RUNX1: variants seen among roughly 807,000 people sequenced by gnomAD.
RUNX1 encodes runt-related transcription factor 1.
A neutral mutation model predicts 42.8 loss-of-function variants in RUNX1; 19 were observed. The ratio of observed to expected loss-of-function variants is 0.44; its 90% CI spans 0.31 to 0.65. The LOEUF is 0.65. Among genes scored for constraint, RUNX1 ranks in the 30% least tolerant of loss-of-function variants. The probability of loss-of-function intolerance (pLI) is 0.07; values close to 1 mark genes in which losing one functional copy is unlikely to be tolerated. For missense variants in RUNX1, 528 were observed against 672.0 expected, an observed-to-expected ratio of 0.79 and a Z score of 2.37; for synonymous variants, 271 against 289.4, an observed-to-expected ratio of 0.94 and a Z score of 0.64.
chr21:35,015,302 T>C lies in RUNX1; in HGVS notation c.58+33540A>G, dbSNP rs192169642. ...AGTGCTTAGAATAGACACCACATAA[T>C]AATTAATAATTCTTCTTCTTGTTGT... On this transcript the variant is annotated intron_variant, in intron 2 of 8. Transcript: ENST00000675419. Among the ~76,000 whole-genome samples, 319 of 152,322 alleles carry C rather than the reference T, an allele frequency of 2.1e-3. 7 individuals carry two copies. Among genetic ancestry groups the C allele is most frequent in the Non-Finnish European group, 3.5e-4 (24 of 68,022 alleles).
chr21:34,996,869 C>T (rs975705154), intron 2 of RUNX1, among the ~76,000 whole-genome samples: 1 of 152,116 alleles, frequency 6.6e-6, no homozygotes, highest in African/African-American at 2.4e-5. Context: ...AACCCCTACT[C>T]CCAAACATAA....
At chr21:34,922,256 C>T (rs1308842271) in intron 2 of RUNX1, among the ~76,000 whole-genome samples, 1 of 152,044 alleles carries the variant, frequency 6.6e-6, no homozygotes, top group Non-Finnish European at 1.5e-5. Context: ...CTTTGCCCTT[C>T]CAGGATTGTC....
chr21:34,815,625 A>C (rs1274192737), intron 7 of RUNX1, among the ~76,000 whole-genome samples: 3 of 152,206 alleles, frequency 2.0e-5, no homozygotes, highest in Non-Finnish European at 4.4e-5. Context: ...TTAGAGAAGG[A>C]GGCCACACAG....
At chr21:34,911,925 A>G (rs1216994565) in intron 2 of RUNX1, among the ~76,000 whole-genome samples, 1 of 152,080 alleles carries the variant, frequency 6.6e-6, no homozygotes, top group African/African-American at 2.4e-5. Context: ...TAATGGGTAA[A>G]GTAACCCCGC....
intron 2 of RUNX1, among the ~76,000 whole-genome samples, chr21:34,909,693 G>T (rs2058257058): frequency 6.6e-6 from 1 of 151,842 alleles, no homozygotes; most frequent in Non-Finnish European, 1.5e-5. Flanking sequence ...AAGTCCCCCG[G>T]GTCTCTGGCT....
intron 2 of RUNX1, among the ~76,000 whole-genome samples, chr21:35,002,419 T>TTTATTTA (rs1443466976): frequency 7.3e-6 from 1 of 136,694 alleles, no homozygotes; most frequent in South Asian, 2.3e-4. Context: ...TATTTATTTA[T>TTTATTTA]TTATTTATTA....
At chr21:34,849,295 A>G (rs1442905446) in intron 6 of RUNX1, among the ~76,000 whole-genome samples, 1 of 47,788 alleles carries the variant, frequency 2.1e-5, no homozygotes, top group African/African-American at 7.9e-5. Context: ...TATTATATAT[A>G]AAATATATAA....
chr21:34,813,113 G>T (rs1489805215), intron 7 of RUNX1, among the ~76,000 whole-genome samples: 1 of 152,124 alleles, frequency 6.6e-6, no homozygotes, highest in Non-Finnish European at 1.5e-5. Flanking sequence ...TCCTCCAGGG[G>T]ATTTCTGGCA....
chr21:35,023,277 T>G (rs1409998907), intron 2 of RUNX1, among the ~76,000 whole-genome samples: 1 of 152,196 alleles, frequency 6.6e-6, no homozygotes, highest in Admixed American at 6.5e-5. Context: ...TAATTTAATT[T>G]TGCATGATGT....
chr21:34,893,431 G>A (rs1231407956), intron 2 of RUNX1, among the ~76,000 whole-genome samples: 7 of 151,990 alleles, frequency 4.6e-5, no homozygotes. Flanking sequence ...CTGCTAGGCA[G>A]GTAAATTATT....
At chr21:34,908,624 AG>A (rs2058245694) in intron 2 of RUNX1, among the ~76,000 whole-genome samples, 1 of 152,174 alleles carries the variant, frequency 6.6e-6, no homozygotes, top group South Asian at 2.1e-4. Flanking sequence ...GGCCAGATAA[AG>A]ACTTCTGCTG....
intron 6 of RUNX1, among the ~76,000 whole-genome samples, chr21:34,835,404 T>A (rs529297785): frequency 9.7e-4 from 148 of 152,142 alleles, no homozygotes; most frequent in African/African-American, 3.5e-3. Flanking sequence ...TGGGATGGGA[T>A]GATGGGCCCC....
chr21:34,973,934 A>C (rs1392866615), intron 2 of RUNX1, among the ~76,000 whole-genome samples: 2 of 152,026 alleles, frequency 1.3e-5, no homozygotes, highest in East Asian at 3.9e-4. Flanking sequence ...CCACAAGTGC[A>C]CTCTTCTAGC....
intron 2 of RUNX1, among the ~76,000 whole-genome samples, chr21:35,010,225 T>C (rs560079333): frequency 3.9e-5 from 6 of 152,264 alleles, no homozygotes; most frequent in African/African-American, 1.4e-4. Flanking sequence ...TTTATACCAA[T>C]AGCAAGGCAT....
In RUNX1 at chr21:34,789,664, T is replaced by C. The variant is rs888087800; in HGVS notation, c.*2471A>G. 8.6e-6 allele frequency: 2 copies of C among 233,078 alleles called. No homozygotes were observed. The highest frequency in any genetic ancestry group is 1.7e-5 in the Non-Finnish European group (2 of 118,030). 14.4% of individuals were successfully genotyped at this position (233,078 alleles called of 1,614,324 possible). A position where few individuals can be genotyped will look rare whatever the true frequency, so the allele number is the denominator to read the frequency against. ...GACCTATCGCCAAAACAACTACAGT[T>C]TGATTTTTTTTGAAACAATTAAATA... On this transcript the variant is annotated 3_prime_UTR_variant, in exon 9 of 9. Transcript: ENST00000675419.
chr21:34,886,816 C>T (rs745861973), intron 4 of RUNX1, 27 bp downstream of exon 4: 5 of 1,612,118 alleles, frequency 3.1e-6, no homozygotes, highest in Non-Finnish European at 3.4e-6. Context: ...TCCGCCTGTC[C>T]TCCCACCACC....
intron 2 of RUNX1, among the ~76,000 whole-genome samples, chr21:34,937,048 C>T (rs1255173287): frequency 2.0e-5 from 3 of 152,158 alleles, no homozygotes; most frequent in Admixed American, 6.5e-5. Flanking sequence ...CGTGCCATGT[C>T]TCTTTGCTCC....
rs1010187915 is a variant in RUNX1, at chr21:34,843,048, C to A, written c.614-8447G>T. 6.6e-6 allele frequency among the ~76,000 whole-genome samples: 1 copy of A among 152,014 alleles called. No individual in the cohort carries two copies. Among genetic ancestry groups the A allele is most frequent in the African/African-American group, 2.4e-5 (1 of 41,354 alleles). Reference sequence around the variant, plus strand: ...TCATGCCAGTGCACTCCAGCCTGAGCGACAGAGCGAGACTCTGTCTCAAAA... The same window carrying A: ...TCATGCCAGTGCACTCCAGCCTGAGAGACAGAGCGAGACTCTGTCTCAAAA... On this transcript the variant is annotated intron_variant, in intron 6 of 8. Coordinates refer to ENST00000675419, the MANE Select transcript of RUNX1 (RefSeq NM_001754.5). This position sits in a 1 kb window ranked among gnomAD's most constrained non-coding sequence, Gnocchi z 4.8.
chr21:34,880,814 ATGATTTCT>A, intron 4 of RUNX1, 101 bp from the exon 5 acceptor site: 1 of 1,231,128 alleles, frequency 8.1e-7, no homozygotes, highest in Non-Finnish European at 1.2e-6. Flanking sequence ...TGTATATTCA[ATGATTTCT>A]TTTTAGGTTG....
Sources: allele counts gnomAD v4.1 joint callset (sites outside exome capture counted in the v4.1 genomes callset), GRCh38; gene constraint gnomAD v4.1.1; non-coding constraint Gnocchi (gnomAD v3.1); transcripts MANE v1.5; gene names NCBI Gene and HGNC (gene_info 2026-07-23, HGNC 2026-07-21).